AMOTL1: variants seen among roughly 807,000 people sequenced by gnomAD.
AMOTL1 encodes angiomotin like 1, also known as angiomotin-like protein 1.
A neutral mutation model predicts 102.9 loss-of-function variants in AMOTL1; 45 were observed. That is an observed-to-expected ratio of 0.44 (90% CI 0.34 to 0.56). The LOEUF (loss-of-function observed/expected upper bound fraction) is 0.56. Ranked by LOEUF, AMOTL1 falls within the 20% of genes least tolerant of loss-of-function variation. The pLI is 0.01. For synonymous variants in AMOTL1, 481 were observed against 484.7 expected (o/e 0.99, Z 0.10); for missense variants, 1,114 against 1,225.6 (o/e 0.91, Z 1.36).
intron 3 of AMOTL1, among the ~76,000 whole-genome samples, chr11:94,804,394 C>G (rs150740960): frequency 6.6e-6 from 1 of 152,184 alleles, no homozygotes. Context: ...CTCAAGTGAT[C>G]CTCCCATCAT....
At position 94,795,091 on chromosome 11, in the gene AMOTL1, C is replaced by G. The variant is rs1951341812; in HGVS notation, c.130C>G (p.Leu44Val). The change falls in exon 2 of 13, where the codon CTC (leucine) becomes GTC (valine). Residue 44 changes from leucine to valine, a missense_variant. Leu to Val is a conservative substitution (Grantham distance 32). Coordinates refer to ENST00000433060, the MANE Select transcript of AMOTL1 (RefSeq NM_130847.3). The part of the protein sequence containing the change: ...DSTYFSPDFQ[L>V]YSGRHETSAL... ...CACCTACTTTTCCCCAGACTTTCAG[C>G]TCTATTCTGGGAGGCATGAAACATC... is the stretch of plus-strand genomic sequence containing the variant. 1.2e-6 allele frequency: 2 copies of G among 1,613,848 alleles called. No individual in the cohort carries two copies. Among genetic ancestry groups the G allele is most frequent in the South Asian group, 1.1e-5 (1 of 91,058 alleles).
At chr11:94,741,097 G>A in intron 3 of AMOTL1, 1 of 940,946 alleles carries the variant, frequency 1.1e-6, no homozygotes, top group Non-Finnish European at 1.5e-6. Context: ...TGGGGTTGGA[G>A]GGCGGAGGGA....
intron 1 of AMOTL1, among the ~76,000 whole-genome samples, chr11:94,720,661 TTCTC>T (rs2135442995): frequency 6.6e-6 from 1 of 152,252 alleles, no homozygotes; most frequent in South Asian, 2.1e-4. Flanking sequence ...CTTTTGGTGC[TTCTC>T]CCTATCTGCT....
chr11:94,821,401 C>T, intron 3 of AMOTL1, 129 bp from the exon 4 acceptor site: 1 of 959,566 alleles, frequency 1.0e-6, no homozygotes, highest in Non-Finnish European at 1.5e-6. Context: ...ACAGTGAATA[C>T]CTCCCACTGG....
At chr11:94,816,384 C>G (rs1240434271) in intron 3 of AMOTL1, among the ~76,000 whole-genome samples, 1 of 152,104 alleles carries the variant, frequency 6.6e-6, no homozygotes, top group Non-Finnish European at 1.5e-5. Context: ...TTACTTGTTA[C>G]CTAAGAAACA....
In AMOTL1 at chr11:94,799,291, T is replaced by A; in HGVS notation, c.200-99T>A. 9.9e-7 allele frequency: 1 copy of A among 1,005,130 alleles called. No individual in the cohort carries two copies. Among genetic ancestry groups the A allele is most frequent in the Non-Finnish European group, 1.4e-6 (1 of 700,816 alleles). The allele number at this position is 1,005,130 out of a possible 1,614,324, so 62.3% of individuals were successfully genotyped here. A position where few individuals can be genotyped will look rare whatever the true frequency, so the allele number is the denominator to read the frequency against. ...ATGCATTTGAAATCTTATTTTTAAA[T>A]GTTGCTGTAGTTAGAATGTTAATTA... On this transcript the variant is annotated intron_variant, in intron 2 of 12. Transcript: ENST00000433060. The surrounding 1 kb of genome is among the most constrained non-coding windows in gnomAD (Gnocchi z 4.5).
At chr11:94,739,820 G>A (rs908573114) in intron 2 of AMOTL1, among the ~76,000 whole-genome samples, 3 of 152,172 alleles carry the variant, frequency 2.0e-5, no homozygotes, top group Non-Finnish European at 4.4e-5. Context: ...CTGGGGGCTG[G>A]GGGGAGATAC....
chr11:94,711,277 G>T (rs12275743), intron 1 of AMOTL1, among the ~76,000 whole-genome samples: 3,620 of 152,126 alleles, frequency 0.024, 144 homozygotes, highest in African/African-American at 0.084. Flanking sequence ...TTAAAGAATA[G>T]CTGGCTTGTA....
chr11:94,792,005 C>T (rs1249252373), intron 1 of AMOTL1, among the ~76,000 whole-genome samples: 1 of 152,182 alleles, frequency 6.6e-6, no homozygotes, highest in South Asian at 2.1e-4. Flanking sequence ...GACTCTGTGA[C>T]TCACATTACT....
At chr11:94,793,467 G>A (rs1951318724) in intron 1 of AMOTL1, among the ~76,000 whole-genome samples, 1 of 152,162 alleles carries the variant, frequency 6.6e-6, no homozygotes, top group African/African-American at 2.4e-5. Context: ...AATAGATCTG[G>A]GTGGTTCCTG....
chr11:94,780,364 C>G (rs568187968), intron 1 of AMOTL1, among the ~76,000 whole-genome samples: 20 of 152,298 alleles, frequency 1.3e-4, no homozygotes, highest in African/African-American at 4.6e-4. Flanking sequence ...ACCATGTAGC[C>G]TTTTGTTTTG....
At chr11:94,821,245 T>G (rs1951860242) in intron 3 of AMOTL1, among the ~76,000 whole-genome samples, 1 of 152,158 alleles carries the variant, frequency 6.6e-6, no homozygotes. Context: ...CTTTGGAGAG[T>G]ACTTGTTACG....
chr11:94,831,345 C>G (rs1952066958), intron 5 of AMOTL1, 107 bp from the exon 6 acceptor site: 1 of 874,028 alleles, frequency 1.1e-6, no homozygotes, highest in African/African-American at 1.7e-5. Flanking sequence ...GGGCTCCTGC[C>G]TGAGCATCTC....
intron 5 of AMOTL1, among the ~76,000 whole-genome samples, chr11:94,830,636 A>T (rs1291657268): frequency 6.6e-6 from 1 of 152,256 alleles, no homozygotes; most frequent in East Asian, 1.9e-4. Flanking sequence ...ACAGAGCTAG[A>T]CATATTTTCC....
At position 94,711,306 on chromosome 11, in the gene AMOTL1, T is replaced by A. The variant is rs563616794; in HGVS notation, c.-51+4709T>A. Among the ~76,000 whole-genome samples the A allele has an allele frequency of 2.0e-5, 3 of 152,298 alleles. No individual in the cohort carries two copies. The South Asian group carries it at 6.2e-4, about 32-fold the overall frequency. On this transcript the variant is annotated intron_variant, in intron 1 of 4. Transcript: ENST00000299004. ...GCTTGTATATTTTTAAAAAACATTA[T>A]GAAATATTTATAGATTCATGAGTCT... is the stretch of plus-strand genomic sequence containing the variant.
At chr11:94,812,816 A>G (rs1951705127) in intron 3 of AMOTL1, among the ~76,000 whole-genome samples, 1 of 152,094 alleles carries the variant, frequency 6.6e-6, no homozygotes, top group Non-Finnish European at 1.5e-5. Flanking sequence ...CTCTTCTGCA[A>G]AGACTTGGGA....
chr11:94,821,425 G>T (rs1438119924), intron 3 of AMOTL1, 105 bp from the exon 4 acceptor site: 17 of 1,216,444 alleles, frequency 1.4e-5, no homozygotes, highest in Non-Finnish European at 1.7e-5. Flanking sequence ...GTGCACTGAT[G>T]GCCTCTGACC....
intron 6 of AMOTL1, among the ~76,000 whole-genome samples, chr11:94,838,709 A>C (rs934048148): frequency 1.3e-5 from 2 of 152,244 alleles, no homozygotes; most frequent in African/African-American, 4.8e-5. Flanking sequence ...CCTAGATCTT[A>C]CTTTGTAAAT....
At chr11:94,759,019 C>T (rs1044682770) in intron 3 of AMOTL1, among the ~76,000 whole-genome samples, 13 of 152,068 alleles carry the variant, frequency 8.5e-5, no homozygotes, top group East Asian at 1.9e-4. Context: ...AATTTCTATA[C>T]GGATTAGATA....
Sources: gnomAD v4.1 joint callset for allele counts (sites outside exome capture counted in the v4.1 genomes callset) on GRCh38, gnomAD v4.1.1 for gene constraint, Gnocchi (gnomAD v3.1) non-coding constraint, MANE v1.5 for transcripts, NCBI Gene and HGNC (gene_info 2026-07-23, HGNC 2026-07-21) for gene names.